Variants in PTPRT observed in about 807,000 individuals in gnomAD.
The protein encoded by PTPRT is protein tyrosine phosphatase receptor type T.
A neutral mutation model predicts 176.8 loss-of-function variants in PTPRT; 56 were observed. That is an observed-to-expected ratio of 0.32 (90% CI 0.26 to 0.40). The LOEUF (loss-of-function observed/expected upper bound fraction) is 0.40. Among genes scored for constraint, PTPRT ranks in the 10% least tolerant of loss-of-function variants. PTPRT has a pLI of 1.00. For missense variants in PTPRT, 1,540 were observed against 1,908.2 expected, an observed-to-expected ratio of 0.81 and a Z score of 3.60; for synonymous variants, 783 against 739.0, an observed-to-expected ratio of 1.06 and a Z score of -0.96.
intron 12 of PTPRT, among the ~76,000 whole-genome samples, chr20:42,284,389 C>T (rs1376752971): frequency 2.0e-5 from 3 of 152,028 alleles, no homozygotes; most frequent in Non-Finnish European, 4.4e-5. Flanking sequence ...TTTACCACTA[C>T]AATTTCCATC....
chr20:42,441,239 G>C (rs912712464), intron 9 of PTPRT, among the ~76,000 whole-genome samples: 1 of 152,222 alleles, frequency 6.6e-6, no homozygotes, highest in African/African-American at 2.4e-5. Context: ...AGAGGAAACA[G>C]AGGGGAACCT....
At chr20:42,871,073 C>T (rs1342706998) in intron 2 of PTPRT, among the ~76,000 whole-genome samples, 5 of 151,600 alleles carry the variant, frequency 3.3e-5, no homozygotes, top group South Asian at 4.2e-4. Context: ...GCCTCAGCCT[C>T]GTGAGTAGCT....
chr20:43,087,555 C>A (rs561766974), intron 1 of PTPRT, among the ~76,000 whole-genome samples: 1 of 151,710 alleles, frequency 6.6e-6, no homozygotes, highest in Non-Finnish European at 1.5e-5. Flanking sequence ...GAAGAGAGAG[C>A]CTTTCACCAT....
In PTPRT at chr20:42,726,057, TTTATTATTATTA is replaced by T. The variant is rs59329244; in HGVS notation, c.859+30393_859+30404del. On this transcript the variant is annotated intron_variant, in intron 6 of 30. Transcript: ENST00000373187. The stretch of plus-strand genomic sequence containing the variant: ...TTCTGGACAGTAGAATGTGGGCATC[TTTATTATTATTA>T]TTATTATTATTATTATTATTATTAT... 2.5e-3 allele frequency among the ~76,000 whole-genome samples: 362 copies of T among 142,294 alleles called. 2 individuals carry two copies. Among genetic ancestry groups the T allele is most frequent in the Admixed American group, 0.012 (170 of 14,168 alleles). 93.4% of individuals were successfully genotyped at this position (142,294 alleles called of 152,430 possible). A position where few individuals can be genotyped will look rare whatever the true frequency, so the allele number is the denominator to read the frequency against.
At chr20:42,095,000 G>A (rs6029966) in intron 27 of PTPRT, among the ~76,000 whole-genome samples, 9,518 of 152,242 alleles carry the variant, frequency 0.063, 379 homozygotes, top group African/African-American at 0.092. Context: ...CAAAGTGCTA[G>A]GTAAGATTAC....
intron 8 of PTPRT, among the ~76,000 whole-genome samples, chr20:42,454,567 A>G (rs1460229705): frequency 6.6e-6 from 1 of 152,234 alleles, no homozygotes; most frequent in Non-Finnish European, 1.5e-5. Flanking sequence ...TTAAGGTTTT[A>G]CATGCTTTTA....
intron 12 of PTPRT, among the ~76,000 whole-genome samples, chr20:42,293,823 G>A (rs1432387090): frequency 1.3e-5 from 2 of 152,076 alleles, no homozygotes; most frequent in Non-Finnish European, 2.9e-5. Flanking sequence ...AACAACCTAG[G>A]AGTCATTATT....
chr20:42,088,488 G>A (rs1159342408), intron 27 of PTPRT, among the ~76,000 whole-genome samples: 1 of 151,570 alleles, frequency 6.6e-6, no homozygotes, highest in South Asian at 2.1e-4. Flanking sequence ...GAAGAGCAGC[G>A]AGCAGGAAGG....
chr20:43,138,160 T>C (rs1436969419), intron 1 of PTPRT, among the ~76,000 whole-genome samples: 8 of 152,216 alleles, frequency 5.3e-5, no homozygotes, highest in Non-Finnish European at 1.5e-5. Flanking sequence ...AGAGGCTCTC[T>C]AGGGATTGCC....
chr20:42,952,717 G>A (rs779124097), intron 1 of PTPRT, among the ~76,000 whole-genome samples: 6 of 152,184 alleles, frequency 3.9e-5, no homozygotes, highest in Non-Finnish European at 7.3e-5. Flanking sequence ...ACCTCACTGA[G>A]TACATAAATG....
chr20:42,287,851 A>G (rs1370034395), intron 12 of PTPRT, among the ~76,000 whole-genome samples: 2 of 151,940 alleles, frequency 1.3e-5, no homozygotes, highest in South Asian at 2.1e-4. Flanking sequence ...CAATTAGTAT[A>G]CGTTAAAAAC....
chr20:43,006,642 ACTGT>A (rs1057184579), intron 1 of PTPRT, among the ~76,000 whole-genome samples: 13 of 152,272 alleles, frequency 8.5e-5, no homozygotes, highest in African/African-American at 2.9e-4. Context: ...CATTTATTGA[ACTGT>A]CTTTGTTTTT....
chr20:42,473,767 G>T (rs1480255704), intron 7 of PTPRT, among the ~76,000 whole-genome samples: 1 of 152,166 alleles, frequency 6.6e-6, no homozygotes, highest in African/African-American at 2.4e-5. Context: ...CATCCACCAT[G>T]CCTGGCTCTT....
intron 12 of PTPRT, among the ~76,000 whole-genome samples, chr20:42,307,878 G>A (rs892955352): frequency 6.6e-6 from 1 of 152,152 alleles, no homozygotes; most frequent in Admixed American, 6.5e-5. Flanking sequence ...GATGAAACAG[G>A]TTGCAGTAAA....
chr20:42,688,596 T>C (rs2075740145), intron 6 of PTPRT: 1 of 152,218 alleles, frequency 6.6e-6, no homozygotes, highest in Non-Finnish European at 1.5e-5. Flanking sequence ...TCCTGGACTG[T>C]GATTTATATC....
chr20:42,751,233 G>A (rs550189337), intron 6 of PTPRT, among the ~76,000 whole-genome samples: 3 of 152,212 alleles, frequency 2.0e-5, no homozygotes, highest in South Asian at 2.1e-4. Context: ...CAGAACCCTC[G>A]GGTGCTGAAG....
intron 1 of PTPRT, among the ~76,000 whole-genome samples, chr20:43,115,373 C>T (rs967489100): frequency 6.6e-6 from 1 of 152,308 alleles, no homozygotes; most frequent in East Asian, 1.9e-4. Flanking sequence ...AACACACAGG[C>T]ATTTAAATCC....
chr20:42,696,108 C>T (rs1175911810), intron 6 of PTPRT, among the ~76,000 whole-genome samples: 3 of 151,776 alleles, frequency 2.0e-5, no homozygotes, highest in African/African-American at 7.3e-5. Context: ...CTTCTCTCTT[C>T]CCCTTCCCTT....
intron 6 of PTPRT, among the ~76,000 whole-genome samples, chr20:42,713,157 A>G (rs1468064789): frequency 2.1e-5 from 1 of 46,766 alleles, no homozygotes; most frequent in African/African-American, 1.4e-4. Context: ...ACGCACACAT[A>G]CACACACACA....
Sources: allele counts gnomAD v4.1 joint callset (sites outside exome capture counted in the v4.1 genomes callset), GRCh38; gene constraint gnomAD v4.1.1; transcripts MANE v1.5; gene names NCBI Gene and HGNC (gene_info 2026-07-23, HGNC 2026-07-21).